The following CCNY variants were observed in gnomAD, a reference collection of about 807,000 sequenced individuals.
CCNY encodes the protein cyclin Y.
A neutral mutation model predicts 42.8 loss-of-function variants in CCNY; 19 were observed. The observed-to-expected ratio is 0.44, with a 90% CI of 0.31 to 0.65. The LOEUF is 0.65. CCNY is among the 30% of genes least tolerant of loss of function. CCNY has a pLI of 0.07. For synonymous variants in CCNY, 165 were observed against 162.7 expected, an observed-to-expected ratio of 1.01 and a Z score of -0.11; for missense variants, 370 against 437.3, an observed-to-expected ratio of 0.85 and a Z score of 1.37.
chr10:35,361,929 A>G (rs148558433), intron 1 of CCNY, among the ~76,000 whole-genome samples: 138 of 152,320 alleles, frequency 9.1e-4, no homozygotes, highest in African/African-American at 3.1e-3. Flanking sequence ...GAATGCCAAC[A>G]TGATGCCACA....
intron 1 of CCNY, among the ~76,000 whole-genome samples, chr10:35,474,069 G>A (rs187887533): frequency 2.0e-5 from 3 of 152,212 alleles, no homozygotes; most frequent in Non-Finnish European, 2.9e-5. Flanking sequence ...ATTCCCACCC[G>A]AATACTGCGC....
At chr10:35,521,136 T>C (rs1480326527) in intron 4 of CCNY, among the ~76,000 whole-genome samples, 2 of 152,196 alleles carry the variant, frequency 1.3e-5, no homozygotes, top group Non-Finnish European at 2.9e-5. Flanking sequence ...CACAAATCCA[T>C]TTTGTTTTCT....
At chr10:35,491,558 A>G (rs1430079584) in intron 2 of CCNY, among the ~76,000 whole-genome samples, 8 of 152,196 alleles carry the variant, frequency 5.3e-5, no homozygotes, top group Admixed American at 6.5e-5. Context: ...TGGCATGTCC[A>G]AATCAGAAGT....
At chr10:35,387,510 C>T (rs553440104) in intron 1 of CCNY, among the ~76,000 whole-genome samples, 2 of 151,960 alleles carry the variant, frequency 1.3e-5, no homozygotes, top group South Asian at 2.1e-4. Context: ...TCCAAACTGT[C>T]GATTGATCAG....
At chr10:35,481,316 A>G (rs779836429) in intron 1 of CCNY, among the ~76,000 whole-genome samples, 33 of 152,206 alleles carry the variant, frequency 2.2e-4, no homozygotes, top group Non-Finnish European at 4.3e-4. Context: ...GCTTGTGAAC[A>G]TAACAGCATA....
rs148008118 is a variant in CCNY, at chr10:35,533,498, G to A, written c.579+3255G>A. On this transcript the variant is annotated intron_variant, in intron 7 of 9. Transcript: ENST00000374704. Reference sequence around the variant, plus strand: ...GATGTACCGGACACACACCTGCCTCGGGACTTCTGCACCTCAGGACTTCCT... The same window carrying A: ...GATGTACCGGACACACACCTGCCTCAGGACTTCTGCACCTCAGGACTTCCT... 4.2e-3 allele frequency among the ~76,000 whole-genome samples: 643 copies of A among 152,106 alleles called. 2 individuals carry two copies. Among genetic ancestry groups the A allele is most frequent in the African/African-American group, 0.014 (593 of 41,486 alleles).
chr10:35,406,899 C>T (rs1837790913), intron 1 of CCNY, among the ~76,000 whole-genome samples: 1 of 152,126 alleles, frequency 6.6e-6, no homozygotes, highest in Non-Finnish European at 1.5e-5. Context: ...GGCGGCCGGC[C>T]AGGCAGAGGG....
At chr10:35,369,919 C>T (rs920405441) in intron 1 of CCNY, among the ~76,000 whole-genome samples, 2 of 152,128 alleles carry the variant, frequency 1.3e-5, no homozygotes, top group Admixed American at 1.3e-4. Context: ...AAAAGGTGAC[C>T]TGTTTATTCT....
At chr10:35,505,136 TAAG>T (rs1840189179) in intron 3 of CCNY, among the ~76,000 whole-genome samples, 1 of 150,924 alleles carries the variant, frequency 6.6e-6, no homozygotes, top group South Asian at 2.1e-4. Context: ...TGGTTGGAGT[TAAG>T]AATCACTCCT....
intron 1 of CCNY, among the ~76,000 whole-genome samples, chr10:35,480,309 T>C (rs1185503604): frequency 3.3e-5 from 5 of 152,118 alleles, no homozygotes; most frequent in Non-Finnish European, 7.4e-5. Context: ...TCACCTTTCA[T>C]AGGGAGAGTG....
At chr10:35,257,805 T>C (rs2095716718) in intron 3 of CCNY, among the ~76,000 whole-genome samples, 1 of 152,238 alleles carries the variant, frequency 6.6e-6, no homozygotes, top group Admixed American at 6.5e-5. Context: ...TTTTCAGCCA[T>C]TACTTCTTTG....
chr10:35,433,228 T>G (rs903223942), intron 1 of CCNY, among the ~76,000 whole-genome samples: 1 of 152,176 alleles, frequency 6.6e-6, no homozygotes, highest in Non-Finnish European at 1.5e-5. Flanking sequence ...GGTGGGGTTT[T>G]TCATTGATTA....
At chr10:35,481,790 T>C (rs1839674912) in intron 1 of CCNY, among the ~76,000 whole-genome samples, 3 of 152,330 alleles carry the variant, frequency 2.0e-5, no homozygotes, top group South Asian at 4.1e-4. Context: ...AACGCATTTG[T>C]TATTTAACCC....
At position 35,529,956 on chromosome 10, in the gene CCNY, A is replaced by G. The variant is rs1477643206; in HGVS notation, c.402-17A>G. On this transcript the variant is annotated splice_polypyrimidine_tract_variant and intron_variant, in intron 5 of 9. Transcript: ENST00000374704. The stretch of plus-strand genomic sequence containing the variant: ...TTGCAGAAAGTAAGTTTCATTTTCT[A>G]TTATTTTCCCTACCAGGGACCCAGA... 1.5e-5 allele frequency: 24 copies of G among 1,604,144 alleles called. No individual in the cohort carries two copies. The highest frequency in any genetic ancestry group is 8.9e-5 in the East Asian group (4 of 44,836).
intron 1 of CCNY, among the ~76,000 whole-genome samples, chr10:35,436,117 C>A (rs969048897): frequency 3.3e-5 from 5 of 152,126 alleles, no homozygotes; most frequent in African/African-American, 1.2e-4. Context: ...AGCAGCCAGG[C>A]CATGGGGAAG....
intron 1 of CCNY, among the ~76,000 whole-genome samples, chr10:35,357,517 C>T (rs1310701871): frequency 6.6e-6 from 1 of 152,176 alleles, no homozygotes; most frequent in Non-Finnish European, 1.5e-5. Context: ...TAAAATATCC[C>T]TCAATTTGAC....
intron 2 of CCNY, among the ~76,000 whole-genome samples, chr10:35,485,004 T>C (rs1839754420): frequency 1.3e-5 from 2 of 152,234 alleles, no homozygotes; most frequent in East Asian, 1.9e-4. Flanking sequence ...ATCATTCCCT[T>C]TCCTCTTCTG....
intron 1 of CCNY, among the ~76,000 whole-genome samples, chr10:35,379,506 A>G (rs943051128): frequency 6.6e-6 from 1 of 152,200 alleles, no homozygotes; most frequent in Non-Finnish European, 1.5e-5. Context: ...TTGATTCTAA[A>G]TTCAAGACTT....
chr10:35,343,327 T>A (rs1836226070), intron 1 of CCNY, among the ~76,000 whole-genome samples: 1 of 150,372 alleles, frequency 6.7e-6, no homozygotes, highest in African/African-American at 2.5e-5. Context: ...ATTAAATAAT[T>A]CCATGGAGTG....
Sources: allele counts gnomAD v4.1 joint callset (sites outside exome capture counted in the v4.1 genomes callset), GRCh38; gene constraint gnomAD v4.1.1; transcripts MANE v1.5; gene names NCBI Gene and HGNC (gene_info 2026-07-23, HGNC 2026-07-21).